Variants in KIF3C observed in about 807,000 individuals in gnomAD.
The protein encoded by KIF3C is kinesin family member 3C.
In KIF3C, 12 loss-of-function variants were observed where a neutral mutation model predicts 67.7. The observed-to-expected ratio is 0.18, with a 90% CI of 0.11 to 0.29. The LOEUF (loss-of-function observed/expected upper bound fraction) is 0.29. Ranked by LOEUF, KIF3C falls within the 10% of genes least tolerant of loss-of-function variation. KIF3C has a pLI of 1.00. For missense variants in KIF3C, 789 were observed against 1,059.6 expected (o/e 0.74, Z 3.55); for synonymous variants, 393 against 426.2 (o/e 0.92, Z 0.96).
rs1242721115 is a variant in KIF3C at position 25,962,953 on chromosome 2, TATATAATATATATA to T, written c.1546-6523_1546-6510del. 5.6e-3 allele frequency among the ~76,000 whole-genome samples: 202 copies of T among 35,866 alleles called. 16 individuals are homozygous for T. The highest frequency in any genetic ancestry group is 5.5e-3 in the South Asian group (8 of 1,444). 23.5% of individuals were successfully genotyped at this position (35,866 alleles called of 152,430 possible). A position where few individuals can be genotyped will look rare whatever the true frequency, so the allele number is the denominator to read the frequency against. On this transcript the variant is annotated intron_variant, in intron 1 of 7. Transcript: ENST00000264712. Reference sequence around the variant, plus strand: ...AATACATATAATATATAATATATAATATATAATATATATAATATATAATATATAATATATAATAT... The same window carrying T: ...AATACATATAATATATAATATATAATATATATAATATATAATATATAATAT...
chr2:25,930,202 A>C, intron 5 of KIF3C, 139 bp from the exon 6 acceptor site: 1 of 659,072 alleles, frequency 1.5e-6, no homozygotes, highest in South Asian at 1.8e-5. Flanking sequence ...CCTTGCTCTA[A>C]TACAGCTTGA....
intron 4 of KIF3C, among the ~76,000 whole-genome samples, chr2:25,953,034 C>T (rs567705504): frequency 1.3e-5 from 2 of 151,786 alleles, no homozygotes; most frequent in African/African-American, 2.4e-5. Flanking sequence ...TTTGGGAGGC[C>T]GAGGAGGACG....
intron 5 of KIF3C, among the ~76,000 whole-genome samples, chr2:25,944,810 A>G (rs1429940519): frequency 6.6e-6 from 1 of 152,154 alleles, no homozygotes; most frequent in East Asian, 1.9e-4. Context: ...TTGTAAATCT[A>G]TTTATAGCTT....
At position 25,955,142 on chromosome 2, in the gene KIF3C, C is replaced by T. The variant is rs77091441; in HGVS notation, c.1770+399G>A. On this transcript the variant is annotated intron_variant, in intron 3 of 7. Transcript: ENST00000264712. The surrounding 1 kb of genome is among the most constrained non-coding windows in gnomAD (Gnocchi z 5.0). ...TCATCCCTTGACATGTCCTTGAGGGCCTTACACTCCCCACCTGAGCTTCCC... is the reference window on the plus strand; with the variant it reads ...TCATCCCTTGACATGTCCTTGAGGGTCTTACACTCCCCACCTGAGCTTCCC... Among the ~76,000 whole-genome samples the T allele has an allele frequency of 1.4e-3, 208 of 152,236 alleles. 1 individual carries two copies. The East Asian group carries it at 0.035, about 26-fold the overall frequency.
At position 25,927,562 on chromosome 2, in the gene KIF3C, G is replaced by C. The variant is rs1234425445; in HGVS notation, c.*1416C>G. On this transcript the variant is annotated 3_prime_UTR_variant, in exon 8 of 8. Transcript: ENST00000264712. ...AAGGGTTCATTTCCTGAAGGAAAGA[G>C]AATAACCCCCGCCACCACCTCCCAC... 1 of 152,118 alleles carries C rather than the reference G, an allele frequency of 6.6e-6. No individual in the cohort carries two copies. The highest frequency in any genetic ancestry group is 2.4e-5 in the African/African-American group (1 of 41,406). 9.4% of individuals were successfully genotyped at this position (152,118 alleles called of 1,614,324 possible).
At chr2:25,975,744 G>C (rs1664396311) in intron 1 of KIF3C, among the ~76,000 whole-genome samples, 1 of 152,076 alleles carries the variant, frequency 6.6e-6, no homozygotes, top group Non-Finnish European at 1.5e-5. Context: ...GGATCATGAG[G>C]TCAGGAGATC....
At chr2:25,939,004 C>T (rs935574462) in intron 5 of KIF3C, among the ~76,000 whole-genome samples, 1 of 151,970 alleles carries the variant, frequency 6.6e-6, no homozygotes, top group Non-Finnish European at 1.5e-5. Flanking sequence ...TTCCTGCTCT[C>T]CCTCTCTCCC....
chr2:25,979,358 T>C (rs1664503185), intron 1 of KIF3C, among the ~76,000 whole-genome samples: 1 of 152,138 alleles, frequency 6.6e-6, no homozygotes, highest in Non-Finnish European at 1.5e-5. Context: ...CTCTCAGGGT[T>C]ATGGGGAATT....
At chr2:25,952,547 GTGTATA>G (rs1470645086) in intron 4 of KIF3C, among the ~76,000 whole-genome samples, 2,489 of 94,440 alleles carry the variant, frequency 0.026, 70 homozygotes, top group African/African-American at 0.091. Flanking sequence ...GTGTGTGTGT[GTGTATA>G]TATATATATA....
At chr2:25,966,388 G>A (rs1415328287) in intron 1 of KIF3C, among the ~76,000 whole-genome samples, 1 of 152,070 alleles carries the variant, frequency 6.6e-6, no homozygotes, top group Non-Finnish European at 1.5e-5. Context: ...TTACAGGCGT[G>A]AGCCACCACG....
At chr2:25,972,872 C>T (rs1664316084) in intron 1 of KIF3C, among the ~76,000 whole-genome samples, 1 of 152,072 alleles carries the variant, frequency 6.6e-6, no homozygotes, top group South Asian at 2.1e-4. Flanking sequence ...TTATTGTCCC[C>T]CTCTATTTCT....
At chr2:25,931,971 C>T (rs1396169334) in intron 5 of KIF3C, among the ~76,000 whole-genome samples, 2 of 147,036 alleles carry the variant, frequency 1.4e-5, no homozygotes, top group Admixed American at 1.4e-4. Flanking sequence ...CACTGTCACC[C>T]AGCCTTCATT....
chr2:25,980,963 C>T lies in KIF3C; in HGVS notation c.955G>A (p.Asp319Asn). Residue 319 changes from aspartate to asparagine, a missense_variant, in exon 1 of 8, where the codon GAC (aspartate) becomes AAC (asparagine). Coordinates refer to ENST00000264712, the MANE Select transcript of KIF3C (RefSeq NM_002254.8). This position sits in a 1 kb window ranked among gnomAD's most constrained non-coding sequence, Gnocchi z 7.6. ...GNRSTHIPYR[D>N]SKLTRLLQDS... ...TGGAGCAGCCGGGTCAGCTTGGAGT[C>T]CCGGTAGGGAATGTGGGTGCTCCTG... is the stretch of plus-strand genomic sequence containing the variant. 6.2e-7 allele frequency: 1 copy of T among 1,614,200 alleles called. No individual in the cohort carries two copies. Among genetic ancestry groups the T allele is most frequent in the East Asian group, 2.2e-5 (1 of 44,882 alleles).
intron 5 of KIF3C, among the ~76,000 whole-genome samples, chr2:25,932,398 C>G (rs2090468176): frequency 6.6e-6 from 1 of 151,512 alleles, no homozygotes; most frequent in Non-Finnish European, 1.5e-5. Context: ...CTCGGCCTCC[C>G]AAAGTGCTGG....
chr2:25,935,121 G>A (rs1047759575), intron 5 of KIF3C, among the ~76,000 whole-genome samples: 2 of 152,048 alleles, frequency 1.3e-5, no homozygotes, highest in Non-Finnish European at 2.9e-5. Flanking sequence ...GCTCACACCT[G>A]TAGTCCCAGC....
rs779696548 is a variant in KIF3C, at chr2:25,980,594, GGTT to G, written c.1321_1323del (p.Asn441del). 4.5e-5 allele frequency: 72 copies of G among 1,613,894 alleles called. No individual in the cohort carries two copies. The highest frequency in any genetic ancestry group is 1.3e-4 in the African/African-American group (10 of 74,888). ...TCCAGGATGGGCTGGGGCGGGCGGT[GGTT>G]GTTGTTGTTGTCATCCTCCTCTTCT... On this transcript the variant is annotated inframe_deletion, in exon 1 of 8. Transcript: ENST00000264712. The surrounding 1 kb of genome is among the most constrained non-coding windows in gnomAD (Gnocchi z 7.6).
chr2:25,946,134 A>G (rs956357217), intron 5 of KIF3C, among the ~76,000 whole-genome samples: 3 of 152,146 alleles, frequency 2.0e-5, no homozygotes, highest in African/African-American at 7.2e-5. Flanking sequence ...AAAATAAAAT[A>G]AAATAAATAA....
chr2:25,959,659 C>T (rs190951634), intron 1 of KIF3C, among the ~76,000 whole-genome samples: 1 of 151,992 alleles, frequency 6.6e-6, no homozygotes, highest in Admixed American at 6.6e-5. Flanking sequence ...AGGCTGGTCT[C>T]GAACTCCTGA....
intron 1 of KIF3C, among the ~76,000 whole-genome samples, chr2:25,974,420 T>C (rs1664359532): frequency 6.6e-6 from 1 of 151,864 alleles, no homozygotes; most frequent in Admixed American, 6.6e-5. Flanking sequence ...AGACTGGTCT[T>C]GAATTCCTGG....
Sources: gnomAD v4.1 joint callset for allele counts (sites outside exome capture counted in the v4.1 genomes callset) on GRCh38, gnomAD v4.1.1 for gene constraint, Gnocchi (gnomAD v3.1) non-coding constraint, MANE v1.5 for transcripts, NCBI Gene and HGNC (gene_info 2026-07-23, HGNC 2026-07-21) for gene names.